The following TMTC1 variants were observed in gnomAD, a reference collection of about 807,000 sequenced individuals.
TMTC1 encodes the protein protein O-mannosyl-transferase TMTC1.
TMTC1 carries 73 observed loss-of-function variants against 104.8 expected under a neutral mutation model. The observed-to-expected ratio is 0.70, with a 90% CI of 0.58 to 0.85. TMTC1 has a LOEUF of 0.85. TMTC1 is among the 40% of genes least tolerant of loss of function. The pLI, the probability that TMTC1 is intolerant of heterozygous loss-of-function variation, is 0.00. For synonymous variants in TMTC1, 434 were observed against 428.7 expected, an observed-to-expected ratio of 1.01 and a Z score of -0.15; for missense variants, 1,035 against 1,096.1, an observed-to-expected ratio of 0.94 and a Z score of 0.79.
At chr12:29,640,293 G>C (rs143592202) in intron 5 of TMTC1, among the ~76,000 whole-genome samples, 164 of 152,234 alleles carry the variant, frequency 1.1e-3, no homozygotes, top group Middle Eastern at 6.8e-3. Context: ...GTGAGATCAC[G>C]GCAGACAGGA....
At chr12:29,682,321 T>G (rs1420592559) in intron 5 of TMTC1, among the ~76,000 whole-genome samples, 1 of 152,188 alleles carries the variant, frequency 6.6e-6, no homozygotes, top group Non-Finnish European at 1.5e-5. Flanking sequence ...GAATATAGTT[T>G]GGCAGCGTCT....
intron 6 of TMTC1, among the ~76,000 whole-genome samples, chr12:29,617,963 T>C (rs1415963698): frequency 6.6e-6 from 1 of 152,104 alleles, no homozygotes; most frequent in Non-Finnish European, 1.5e-5. Flanking sequence ...CCCTGACCAC[T>C]GTGTTGAGGA....
intron 10 of TMTC1, among the ~76,000 whole-genome samples, chr12:29,546,985 C>T (rs1944960360): frequency 2.0e-5 from 3 of 152,248 alleles, no homozygotes; most frequent in African/African-American, 7.2e-5. Context: ...CCAAGTCTTT[C>T]AGGCAGCACA....
At chr12:29,763,457 A>T (rs1943396801) in intron 2 of TMTC1, among the ~76,000 whole-genome samples, 1 of 152,242 alleles carries the variant, frequency 6.6e-6, no homozygotes, top group Admixed American at 6.5e-5. Context: ...TGTCATGTTC[A>T]GTAAGTGTGT....
intron 8 of TMTC1, 23 bp from the exon 9 acceptor site, chr12:29,572,241 A>T (rs557470482): frequency 6.4e-7 from 1 of 1,550,852 alleles, no homozygotes; most frequent in South Asian, 1.1e-5. Flanking sequence ...AATTTTTAAA[A>T]AGAATTATTT....
intron 5 of TMTC1, among the ~76,000 whole-genome samples, chr12:29,685,695 C>T (rs542470819): frequency 3.2e-4 from 48 of 152,150 alleles, no homozygotes; most frequent in Non-Finnish European, 6.3e-4. Context: ...AAAGCCTGTT[C>T]AATGAGTACA....
At chr12:29,569,092 T>C (rs1945597039) in intron 9 of TMTC1, 2 of 433,274 alleles carry the variant, frequency 4.6e-6, no homozygotes, top group Non-Finnish European at 4.7e-6. Flanking sequence ...CTTTGATGAT[T>C]TGAATCTTAA....
chr12:29,737,783 C>T (rs926775462), intron 5 of TMTC1, among the ~76,000 whole-genome samples: 7 of 152,122 alleles, frequency 4.6e-5, no homozygotes, highest in East Asian at 1.9e-4. Flanking sequence ...TATGAGCTCC[C>T]GGAGCCTTGC....
intron 10 of TMTC1, among the ~76,000 whole-genome samples, chr12:29,546,885 AG>A (rs1257946742): frequency 7.1e-6 from 1 of 140,106 alleles, no homozygotes; most frequent in Non-Finnish European, 1.6e-5. Context: ...TGGGCAACAT[AG>A]TGAGTCCTTT....
chr12:29,530,665 T>G (rs565815952), intron 11 of TMTC1, among the ~76,000 whole-genome samples: 7 of 152,202 alleles, frequency 4.6e-5, no homozygotes, highest in Non-Finnish European at 8.8e-5. Context: ...CCCTTCCTCC[T>G]TCAAAGCACC....
intron 5 of TMTC1, among the ~76,000 whole-genome samples, chr12:29,703,819 T>C (rs1941668439): frequency 6.6e-6 from 1 of 152,240 alleles, no homozygotes; most frequent in South Asian, 2.1e-4. Flanking sequence ...TTCCTGCCAC[T>C]TAACACCTCT....
intron 7 of TMTC1, among the ~76,000 whole-genome samples, chr12:29,602,309 G>A (rs76531008): frequency 6.6e-6 from 1 of 152,050 alleles, no homozygotes; most frequent in South Asian, 2.1e-4. Flanking sequence ...ATCTGGCTAA[G>A]TTTTTGTTAT....
rs192654351 is a variant in TMTC1, at chr12:29,641,261, C to A, written c.939-7925G>T. ...CACAGATGAAGCTCTCTGGAAAGCA[C>A]CACCTCCTGGTAGGAGGCCAACCAG... On this transcript the variant is annotated intron_variant, in intron 5 of 17. Coordinates refer to ENST00000539277, the MANE Select transcript of TMTC1 (RefSeq NM_001193451.2). 2.8e-3 allele frequency: 429 copies of A among 152,570 alleles called. 2 individuals are homozygous for A. The highest frequency in any genetic ancestry group is 0.014 in the South Asian group (66 of 4,832). The allele number at this position is 152,570 out of a possible 1,614,324, so 9.5% of individuals were successfully genotyped here.
intron 5 of TMTC1, among the ~76,000 whole-genome samples, chr12:29,650,257 G>A (rs1171252170): frequency 6.6e-6 from 1 of 151,802 alleles, no homozygotes; most frequent in Non-Finnish European, 1.5e-5. Context: ...GCTAATGTTT[G>A]TATTTTTAGT....
In TMTC1 at chr12:29,751,739, G is replaced by C; in HGVS notation, c.865C>G (p.His289Asp). ...TTGGGTTCTGGTGGCAGTGGAGAGT[G>C]GCAGCCACCCCAAGCTCCTTTGTGA... ...FPHKGAWGGCHSPLPPEPKSS... is the reference protein window; with the variant it reads ...FPHKGAWGGCDSPLPPEPKSS... Residue 289 changes from histidine to aspartate, a missense_variant, in exon 5 of 18, where the codon CAC (histidine) becomes GAC (aspartate). Physicochemically the swap from His to Asp is moderately conservative, Grantham distance 81. Coordinates refer to ENST00000539277, the MANE Select transcript of TMTC1 (RefSeq NM_001193451.2). The C allele has an allele frequency of 6.2e-7, 1 of 1,614,098 alleles. No homozygotes were observed. Among genetic ancestry groups the C allele is most frequent in the Non-Finnish European group, 8.5e-7 (1 of 1,180,028 alleles).
chr12:29,674,026 T>C (rs1282149943), intron 5 of TMTC1, among the ~76,000 whole-genome samples: 1 of 151,878 alleles, frequency 6.6e-6, no homozygotes, highest in Non-Finnish European at 1.5e-5. Context: ...CCCAAAGTGC[T>C]GGGATTACAG....
chr12:29,721,529 C>T (rs1942237118), intron 5 of TMTC1, among the ~76,000 whole-genome samples: 1 of 151,978 alleles, frequency 6.6e-6, no homozygotes. Flanking sequence ...CCCAATAGCA[C>T]CGCCTGAAAA....
At chr12:29,725,729 T>A (rs902082815) in intron 5 of TMTC1, among the ~76,000 whole-genome samples, 2 of 152,152 alleles carry the variant, frequency 1.3e-5, no homozygotes, top group African/African-American at 4.8e-5. Flanking sequence ...AGGAAAAACG[T>A]TTATTTGATC....
chr12:29,617,778 T>C (rs1222882598), intron 6 of TMTC1, among the ~76,000 whole-genome samples: 3 of 151,872 alleles, frequency 2.0e-5, no homozygotes, highest in East Asian at 1.9e-4. Context: ...TAGTAGAAAA[T>C]GAGTTCAGGA....
Sources: gnomAD v4.1 joint callset for allele counts (sites outside exome capture counted in the v4.1 genomes callset) on GRCh38, gnomAD v4.1.1 for gene constraint, MANE v1.5 for transcripts, NCBI Gene and HGNC (gene_info 2026-07-23, HGNC 2026-07-21) for gene names.